Variants in TMED3 observed in about 807,000 individuals in gnomAD.
The protein encoded by TMED3 is transmembrane p24 trafficking protein 3, also known as transmembrane emp24 domain-containing protein 3.
Under a neutral mutation model 15.0 loss-of-function variants are expected in TMED3, and 9 were observed. The observed-to-expected ratio is 0.60, with a 90% CI of 0.36 to 1.04. The LOEUF is 1.04. Ranked by LOEUF, TMED3 falls within the 50% of genes least tolerant of loss-of-function variation. The pLI is 0.01. For synonymous variants in TMED3, 117 were observed against 121.4 expected, an observed-to-expected ratio of 0.96 and a Z score of 0.24; for missense variants, 267 against 278.9, an observed-to-expected ratio of 0.96 and a Z score of 0.30.
chr15:79,355,900 G>A (rs181462006), intron 2 of TMED3, among the ~76,000 whole-genome samples: 5 of 152,270 alleles, frequency 3.3e-5, no homozygotes, highest in African/African-American at 9.6e-5. Flanking sequence ...CTGAAAGTTC[G>A]AGAAAATGTA....
chr15:79,334,863 CAA>C (rs35430492), intron 2 of TMED3, among the ~76,000 whole-genome samples: 37,609 of 151,876 alleles, frequency 0.25, 5,818 homozygotes, highest in Middle Eastern at 0.41. Flanking sequence ...TATAATACAA[CAA>C]AAGAGATGAA....
intron 2 of TMED3, among the ~76,000 whole-genome samples, chr15:79,315,089 C>G (rs2058735163): frequency 6.6e-6 from 1 of 152,150 alleles, no homozygotes; most frequent in Non-Finnish European, 1.5e-5. Flanking sequence ...GCCAGATGAT[C>G]TTCTGGGCCG....
chr15:79,403,982 G>A (rs1292532471), intron 2 of TMED3, among the ~76,000 whole-genome samples: 4 of 152,148 alleles, frequency 2.6e-5, no homozygotes, highest in African/African-American at 9.7e-5. Context: ...CCCCAATCTG[G>A]CACTTACTCT....
chr15:79,373,541 C>T (rs1469675405), intron 2 of TMED3, among the ~76,000 whole-genome samples: 6 of 107,484 alleles, frequency 5.6e-5, no homozygotes, highest in Admixed American at 3.7e-4. Flanking sequence ...AAGAGACAGC[C>T]TCAAGACAGA....
intron 2 of TMED3, among the ~76,000 whole-genome samples, chr15:79,385,729 C>A (rs1181068576): frequency 1.3e-5 from 2 of 152,130 alleles, no homozygotes; most frequent in African/African-American, 4.8e-5. Flanking sequence ...CCATTCTGCT[C>A]CCTAGAGCGG....
chr15:79,339,631 C>T (rs977402610), intron 2 of TMED3, among the ~76,000 whole-genome samples: 6 of 151,976 alleles, frequency 3.9e-5, no homozygotes, highest in South Asian at 2.1e-4. Flanking sequence ...GTGATGGTGG[C>T]GGCAGTGCAG....
chr15:79,383,230 G>T (rs988820660), intron 2 of TMED3: 1 of 561,162 alleles, frequency 1.8e-6, no homozygotes, highest in East Asian at 2.8e-5. Flanking sequence ...CCAGCTACCC[G>T]ATTTCCAATG....
chr15:79,332,618 G>A (rs975489911), intron 2 of TMED3, among the ~76,000 whole-genome samples: 5 of 152,174 alleles, frequency 3.3e-5, no homozygotes, highest in East Asian at 1.9e-4. Context: ...GGGGCAAGGC[G>A]GGCTGCTTTC....
chr15:79,367,958 C>G (rs1193447023), intron 2 of TMED3, among the ~76,000 whole-genome samples: 1 of 152,132 alleles, frequency 6.6e-6, no homozygotes, highest in Non-Finnish European at 1.5e-5. Context: ...CCAGGCCCCT[C>G]AGGAAGTAAT....
At chr15:79,331,646 G>A (rs1210015514) in intron 2 of TMED3, among the ~76,000 whole-genome samples, 2 of 150,652 alleles carry the variant, frequency 1.3e-5, no homozygotes, top group African/African-American at 4.9e-5. Flanking sequence ...TATTTTCGAA[G>A]TATTCATCAG....
chr15:79,336,676 C>G (rs1176211633), intron 2 of TMED3, among the ~76,000 whole-genome samples: 1 of 151,534 alleles, frequency 6.6e-6, no homozygotes, highest in Non-Finnish European at 1.5e-5. Context: ...GGAGACAGAG[C>G]AAGACTCTGT....
intron 2 of TMED3, among the ~76,000 whole-genome samples, chr15:79,357,888 C>G (rs1190990188): frequency 1.3e-5 from 2 of 152,190 alleles, no homozygotes; most frequent in Non-Finnish European, 2.9e-5. Context: ...TCCCTGCATG[C>G]CATCATACCC....
At position 79,322,157 on chromosome 15, in the gene TMED3, A is replaced by T. The variant is rs780644238; in HGVS notation, c.597A>T (p.Leu199=). The T allele has an allele frequency of 1.5e-5, 24 of 1,614,192 alleles. No homozygotes were observed. In the South Asian group the frequency reaches 2.3e-4, roughly 16 times the overall value. ...ALFVVSFSQV[L]LLKSFFTEKR... ...TCGTGGTCAGCTTCAGTCAGGTGCT[A>T]CTGTTGAAAAGCTTCTTCACAGAAA... is the stretch of plus-strand genomic sequence containing the variant. Residue 199 remains leucine (L), a synonymous_variant, in exon 3 of 3, where the codon CTA becomes CTT. Coordinates refer to ENST00000299705, the MANE Select transcript of TMED3 (RefSeq NM_007364.4).
At chr15:79,373,828 A>G (rs1313214051) in intron 2 of TMED3, among the ~76,000 whole-genome samples, 5 of 152,218 alleles carry the variant, frequency 3.3e-5, no homozygotes, top group Admixed American at 3.3e-4. Context: ...AACTCGAAGC[A>G]GGGGCTTACA....
intron 2 of TMED3, among the ~76,000 whole-genome samples, chr15:79,344,248 C>T (rs959554815): frequency 2.0e-5 from 3 of 152,194 alleles, no homozygotes; most frequent in Non-Finnish European, 1.5e-5. Flanking sequence ...GAGTGAGCCT[C>T]GGTGTCAAAT....
At chr15:79,323,034 G>T (rs75801128), downstream of TMED3, among the ~76,000 whole-genome samples, 1 of 152,126 alleles carries the variant, frequency 6.6e-6, no homozygotes, top group Non-Finnish European at 1.5e-5. Flanking sequence ...AAGTCTCCTC[G>T]CATGCTCACA....
intron 2 of TMED3, among the ~76,000 whole-genome samples, chr15:79,378,746 G>A: frequency 6.6e-6 from 1 of 152,174 alleles, no homozygotes; most frequent in Non-Finnish European, 1.5e-5. Context: ...ATGAATGCTT[G>A]CAAAAACATT....
chr15:79,367,450 A>T (rs1893257364), intron 2 of TMED3, among the ~76,000 whole-genome samples: 1 of 152,220 alleles, frequency 6.6e-6, no homozygotes, highest in East Asian at 1.9e-4. Context: ...TCCTGGCAGC[A>T]TCTAACACCT....
At chr15:79,354,372 G>T (rs1433244451) in intron 2 of TMED3, among the ~76,000 whole-genome samples, 1 of 152,132 alleles carries the variant, frequency 6.6e-6, no homozygotes, top group Non-Finnish European at 1.5e-5. Flanking sequence ...CAGCTAGACA[G>T]ATCCTGGGGG....
Sources: allele counts gnomAD v4.1 joint callset (sites outside exome capture counted in the v4.1 genomes callset), GRCh38; gene constraint gnomAD v4.1.1; transcripts MANE v1.5; gene names NCBI Gene and HGNC (gene_info 2026-07-23, HGNC 2026-07-21).